CHD1L: variants seen among roughly 807,000 people sequenced by gnomAD.
The protein encoded by CHD1L is ATP-dependent chromatin remodeler CHD1L.
Under a neutral mutation model 115.9 loss-of-function variants are expected in CHD1L, and 118 were observed. The ratio of observed to expected loss-of-function variants is 1.02; its 90% confidence interval spans 0.88 to 1.19. The LOEUF is 1.19. CHD1L is among the 50% of genes most tolerant of loss of function. CHD1L has a pLI of 0.00. For synonymous variants in CHD1L, 411 were observed against 387.1 expected, an observed-to-expected ratio of 1.06 and a Z score of -0.72; for missense variants, 1,179 against 1,065.3, an observed-to-expected ratio of 1.11 and a Z score of -1.49.
At chr1:147,231,773 A>G in the CHD1L span, among the ~76,000 whole-genome samples, 1 of 152,058 alleles carries the variant, frequency 6.6e-6, no homozygotes, top group Non-Finnish European at 1.5e-5. Context: ...CGCTAAGACC[A>G]TTGGAAAAGC....
At chr1:147,292,524 G>A (rs1685919119) in intron 20 of CHD1L, among the ~76,000 whole-genome samples, 2 of 152,172 alleles carry the variant, frequency 1.3e-5, no homozygotes, top group South Asian at 4.1e-4. Context: ...GTGTTAGGCT[G>A]TTTTTGCACT....
rs782329636 is a variant in CHD1L, at chr1:147,271,010, C to T, written c.1159+5C>T. ...AAGACTATATGGATTACAGAGGTGA[C>T]ACCTTTTGGCCACTACATTACCTAA... On this transcript the variant is annotated splice_donor_5th_base_variant and intron_variant, in intron 11 of 22. Transcript: ENST00000369258. The T allele has an allele frequency of 6.2e-7, 1 of 1,612,704 alleles. No homozygotes were observed. Among genetic ancestry groups the T allele is most frequent in the Non-Finnish European group, 8.5e-7 (1 of 1,178,812 alleles).
the CHD1L span, among the ~76,000 whole-genome samples, chr1:147,222,146 G>A: frequency 6.6e-6 from 1 of 152,196 alleles, no homozygotes; most frequent in African/African-American, 2.4e-5. Context: ...GAGGTGAGCA[G>A]ATCACTTGAG....
the CHD1L span, among the ~76,000 whole-genome samples, chr1:147,218,298 C>T: frequency 3.8e-4 from 58 of 151,960 alleles, no homozygotes; most frequent in Admixed American, 3.6e-3. Context: ...TGCAGTAGCA[C>T]GATCTCAGCT....
chr1:147,179,084 CTGT>C, the CHD1L span: 1 of 1,613,836 alleles, frequency 6.2e-7, no homozygotes, highest in Non-Finnish European at 8.5e-7. Flanking sequence ...GGAGAGATTC[CTGT>C]TGTTGCTATC....
chr1:147,285,935 C>A (rs1682940660), intron 17 of CHD1L, among the ~76,000 whole-genome samples: 1 of 152,098 alleles, frequency 6.6e-6, no homozygotes, highest in African/African-American at 2.4e-5. Flanking sequence ...TAGGCCCAAG[C>A]TGTCTTTCTG....
chr1:147,285,314 C>T lies in CHD1L; in HGVS notation c.1855-10C>T, dbSNP rs782467067. On this transcript the variant is annotated splice_polypyrimidine_tract_variant and intron_variant, in intron 16 of 22. Coordinates refer to ENST00000369258, the MANE Select transcript of CHD1L (RefSeq NM_004284.6). Reference sequence around the variant, plus strand: ...CTTGACCCTGGTGATGGATCTTGTTCTTCCTCTAGGTTCTCATCCCAGGCC... The same window carrying T: ...CTTGACCCTGGTGATGGATCTTGTTTTTCCTCTAGGTTCTCATCCCAGGCC... 1.2e-6 allele frequency: 2 copies of T among 1,605,428 alleles called. No homozygotes were observed. Among genetic ancestry groups the T allele is most frequent in the East Asian group, 2.2e-5 (1 of 44,794 alleles).
the CHD1L span, chr1:147,178,653 T>C: frequency 1.3e-6 from 2 of 1,578,514 alleles, no homozygotes; most frequent in East Asian, 4.5e-5. Flanking sequence ...ACTTGAGGGA[T>C]AACTACCGAT....
chr1:147,221,727 TGA>T, the CHD1L span, among the ~76,000 whole-genome samples: 1 of 152,240 alleles, frequency 6.6e-6, no homozygotes, highest in Admixed American at 6.5e-5. Context: ...TTGGGATCAC[TGA>T]GTGAAATGAA....
In CHD1L at chr1:147,295,338, G is replaced by T. The variant is rs997104566; in HGVS notation, c.2616-93G>T. 5 of 821,882 alleles carry T rather than the reference G, an allele frequency of 6.1e-6. No individual in the cohort carries two copies. The African/African-American group carries it at 6.8e-5, about 11-fold the overall frequency. 50.9% of individuals were successfully genotyped at this position (821,882 alleles called of 1,614,324 possible). On this transcript the variant is annotated intron_variant, in intron 22 of 22. Coordinates refer to ENST00000369258, the MANE Select transcript of CHD1L (RefSeq NM_004284.6). ...AGAGAATTAAAGCATACTACTTCTAGAACAGTTATTTCAATAATTACTAGA... is the reference window on the plus strand; with the variant it reads ...AGAGAATTAAAGCATACTACTTCTATAACAGTTATTTCAATAATTACTAGA...
At chr1:147,189,889 T>C in the CHD1L span, among the ~76,000 whole-genome samples, 1 of 152,186 alleles carries the variant, frequency 6.6e-6, no homozygotes, top group Non-Finnish European at 1.5e-5. Context: ...AAAAATAATA[T>C]ACCTTCTGCC....
chr1:147,221,502 A>T, the CHD1L span, among the ~76,000 whole-genome samples: 1 of 152,354 alleles, frequency 6.6e-6, no homozygotes, highest in Admixed American at 6.5e-5. Context: ...ATGAATGGCA[A>T]GGTCATTTTG....
intron 1 of CHD1L, chr1:147,243,067 T>G: frequency 2.8e-6 from 1 of 357,466 alleles, no homozygotes; most frequent in South Asian, 1.4e-4. Flanking sequence ...GCGGGCCCGG[T>G]AGCCAGGCCT....
At chr1:147,216,192 G>A in the CHD1L span, among the ~76,000 whole-genome samples, 2 of 152,114 alleles carry the variant, frequency 1.3e-5, no homozygotes, top group South Asian at 2.1e-4. Context: ...GTAGCCTTGC[G>A]GATTCTGCCT....
chr1:147,264,465 AG>A lies in CHD1L; in HGVS notation c.621del (p.Asn208ThrfsTer52). On this transcript the variant is annotated frameshift_variant, in exon 7 of 23. Transcript: ENST00000369258. LOFTEE classifies it high-confidence loss of function. ...FSLLLTGTPI[Q>X]NSLQELYSLL... ...CTCCTGTTGACCGGAACTCCCATCC[AG>A]AACAGCCTCCAAGAGCTCTACTCCC... 1 of 1,613,734 alleles carries A rather than the reference AG, an allele frequency of 6.2e-7. No homozygotes were observed. Among genetic ancestry groups the A allele is most frequent in the Non-Finnish European group, 8.5e-7 (1 of 1,179,806 alleles).
chr1:147,241,342 T>A (rs1375271515), upstream of CHD1L, among the ~76,000 whole-genome samples: 1 of 152,092 alleles, frequency 6.6e-6, no homozygotes, highest in Non-Finnish European at 1.5e-5. Flanking sequence ...CTTGTGAAAG[T>A]CCTTTTCCTG....
chr1:147,217,171 C>G, the CHD1L span, among the ~76,000 whole-genome samples: 1 of 151,630 alleles, frequency 6.6e-6, no homozygotes, highest in Non-Finnish European at 1.5e-5. Context: ...ACCCGGGAGG[C>G]GGAGGTTGCG....
chr1:147,204,833 G>C, the CHD1L span: 3 of 1,602,912 alleles, frequency 1.9e-6, no homozygotes, highest in Non-Finnish European at 2.6e-6. Context: ...TTGCAAGCTT[G>C]TATGTTTCTA....
At chr1:147,195,141 T>A in the CHD1L span, among the ~76,000 whole-genome samples, 1 of 152,100 alleles carries the variant, frequency 6.6e-6, no homozygotes, top group African/African-American at 2.4e-5. Context: ...ACTTTCAGGT[T>A]CACCAATCCG....
Sources: gnomAD v4.1 joint callset for allele counts (sites outside exome capture counted in the v4.1 genomes callset) on GRCh38, gnomAD v4.1.1 for gene constraint, MANE v1.5 for transcripts, NCBI Gene and HGNC (gene_info 2026-07-23, HGNC 2026-07-21) for gene names.